The following SH3PXD2B variants were observed in gnomAD, a reference collection of about 807,000 sequenced individuals.
SH3PXD2B encodes the protein SH3 and PX domains 2B.
SH3PXD2B carries 37 observed loss-of-function variants against 73.1 expected under a neutral mutation model. The observed-to-expected ratio is 0.51, with a 90% CI of 0.39 to 0.67. SH3PXD2B has a LOEUF of 0.67. Ranked by LOEUF, SH3PXD2B falls within the 30% of genes least tolerant of loss-of-function variation. The pLI, the probability that SH3PXD2B is intolerant of heterozygous loss-of-function variation, is 0.00. For missense variants in SH3PXD2B, 1,053 were observed against 1,197.8 expected, an observed-to-expected ratio of 0.88 and a Z score of 1.78; for synonymous variants, 457 against 480.5, an observed-to-expected ratio of 0.95 and a Z score of 0.64.
At chr5:172,347,968 A>C (rs1474632845) in intron 10 of SH3PXD2B, among the ~76,000 whole-genome samples, 1 of 152,174 alleles carries the variant, frequency 6.6e-6, no homozygotes, top group Non-Finnish European at 1.5e-5. Flanking sequence ...CAGGAGGATG[A>C]GGACTTTGCA....
At chr5:172,359,660 C>T (rs1362792533) in intron 7 of SH3PXD2B, among the ~76,000 whole-genome samples, 1 of 152,054 alleles carries the variant, frequency 6.6e-6, no homozygotes, top group Non-Finnish European at 1.5e-5. Context: ...AGACATTCCC[C>T]AATGAGAAAG....
intron 1 of SH3PXD2B, among the ~76,000 whole-genome samples, chr5:172,439,696 A>ACGCGCGCG (rs1561584012): frequency 3.5e-4 from 32 of 91,978 alleles, no homozygotes; most frequent in African/African-American, 1.4e-3. Context: ...GCGCGCGCAC[A>ACGCGCGCG]CACACACACA....
chr5:172,405,204 C>T (rs1758524429), intron 3 of SH3PXD2B, among the ~76,000 whole-genome samples: 1 of 152,272 alleles, frequency 6.6e-6, no homozygotes, highest in Non-Finnish European at 1.5e-5. Flanking sequence ...AAACGCTGCA[C>T]AGCAGCTGGT....
At chr5:172,448,788 AG>A (rs1759731084) in intron 1 of SH3PXD2B, among the ~76,000 whole-genome samples, 1 of 152,232 alleles carries the variant, frequency 6.6e-6, no homozygotes, top group South Asian at 2.1e-4. Flanking sequence ...AAGGCCATGA[AG>A]AACTTGAACC....
At chr5:172,342,792 C>G (rs1030183719) in intron 12 of SH3PXD2B, among the ~76,000 whole-genome samples, 16 of 151,778 alleles carry the variant, frequency 1.1e-4, no homozygotes, top group Admixed American at 8.5e-4. Context: ...TGGAGAAGGG[C>G]TGTGTCCGGG....
At chr5:172,349,732 C>T (rs755570901) in intron 10 of SH3PXD2B, among the ~76,000 whole-genome samples, 1 of 152,032 alleles carries the variant, frequency 6.6e-6, no homozygotes, top group African/African-American at 2.4e-5. Context: ...TATGAGGAGT[C>T]GATTAGACTA....
intron 5 of SH3PXD2B, among the ~76,000 whole-genome samples, chr5:172,378,341 C>T (rs1757865547): frequency 6.6e-6 from 1 of 152,238 alleles, no homozygotes; most frequent in Admixed American, 6.5e-5. Flanking sequence ...CGCGGGGCTT[C>T]TTCACCTCAG....
Position 172,338,183 on chromosome 5 carries a change from G to C in SH3PXD2B, c.*186C>G. The C allele has an allele frequency of 6.7e-7, 1 of 1,483,302 alleles. No individual in the cohort carries two copies. The highest frequency in any genetic ancestry group is 2.5e-5 in the East Asian group (1 of 40,484). 91.9% of individuals were successfully genotyped at this position (1,483,302 alleles called of 1,614,324 possible). ...CCTCCAGTGATGCTGTGATAGGAGG[G>C]ATCAGGCCCAGGGGCGCCCGAGGTG... On this transcript the variant is annotated 3_prime_UTR_variant, in exon 13 of 13. Coordinates refer to ENST00000311601, the MANE Select transcript of SH3PXD2B (RefSeq NM_001017995.3). This position sits in a 1 kb window ranked among gnomAD's most constrained non-coding sequence, Gnocchi z 5.1.
At chr5:172,373,735 C>T (rs535042084) in intron 6 of SH3PXD2B, 55 bp downstream of exon 6, 162 of 1,563,046 alleles carry the variant, frequency 1.0e-4, no homozygotes, top group Non-Finnish European at 1.2e-4. Flanking sequence ...AGTTGGTGCT[C>T]GGCTGGAGTT....
At chr5:172,345,134 G>A (rs1216562150) in intron 12 of SH3PXD2B, among the ~76,000 whole-genome samples, 1 of 147,168 alleles carries the variant, frequency 6.8e-6, no homozygotes, top group Non-Finnish European at 1.5e-5. Flanking sequence ...GGGAAGGAAG[G>A]AATGAAGGCG....
intron 12 of SH3PXD2B, chr5:172,325,447 C>A: frequency 9.1e-7 from 1 of 1,096,622 alleles, no homozygotes. Flanking sequence ...CTAACGTGGC[C>A]TGGGACTTTG....
At chr5:172,373,749 C>A in intron 6 of SH3PXD2B, 41 bp downstream of exon 6, 1 of 1,597,740 alleles carries the variant, frequency 6.3e-7, no homozygotes, top group South Asian at 1.1e-5. Context: ...TGGAGTTTGC[C>A]GAAAACTGAA....
Position 172,338,492 on chromosome 5 carries a change from C to T in SH3PXD2B, c.2613G>A (p.Gln871=). 1 of 1,614,198 alleles carries T rather than the reference C, an allele frequency of 6.2e-7. No individual in the cohort carries two copies. Among genetic ancestry groups the T allele is most frequent in the Non-Finnish European group, 8.5e-7 (1 of 1,180,036 alleles). ...CCCGGACTTCAAACACTGTCCCTTCCTGGAAGCTGCTGGTGTCTTTGTCTC... is the reference window on the plus strand; with the variant it reads ...CCCGGACTTCAAACACTGTCCCTTCTTGGAAGCTGCTGGTGTCTTTGTCTC... ...FEGDKDTSSF[Q]EGTVFEVREK... The change falls in exon 13 of 13, where the codon CAG becomes CAA. Residue 871 remains glutamine (Q), a synonymous_variant. Coordinates refer to ENST00000311601, the MANE Select transcript of SH3PXD2B (RefSeq NM_001017995.3). This position sits in a 1 kb window ranked among gnomAD's most constrained non-coding sequence, Gnocchi z 5.1.
chr5:172,431,917 G>A (rs191671502), intron 1 of SH3PXD2B, among the ~76,000 whole-genome samples: 1 of 152,208 alleles, frequency 6.6e-6, no homozygotes, highest in East Asian at 1.9e-4. Flanking sequence ...TAGATCACGC[G>A]TGTAGTCCTA....
intron 3 of SH3PXD2B, among the ~76,000 whole-genome samples, chr5:172,397,378 C>G (rs1758325586): frequency 6.6e-6 from 1 of 152,208 alleles, no homozygotes; most frequent in South Asian, 2.1e-4. Context: ...GTCCTGTGAT[C>G]TTGCCCTGCC....
At chr5:172,417,465 A>G (rs929170083) in intron 2 of SH3PXD2B, among the ~76,000 whole-genome samples, 1 of 152,204 alleles carries the variant, frequency 6.6e-6, no homozygotes, top group African/African-American at 2.4e-5. Context: ...ACCTGAAGCC[A>G]ATTTCCTTAG....
rs1352886804 is a variant in SH3PXD2B, at chr5:172,334,155, A to C, written c.*4214T>G. On this transcript the variant is annotated 3_prime_UTR_variant, in exon 13 of 13. Coordinates refer to ENST00000311601, the MANE Select transcript of SH3PXD2B (RefSeq NM_001017995.3). ...ATAGAAACGGGAAGATGGAATGTTG[A>C]AACATGAGGAGGAGCTCGATAACTT... 9.0e-7 allele frequency: 1 copy of C among 1,117,304 alleles called. No homozygotes were observed. The highest frequency in any genetic ancestry group is 9.3e-5 in the East Asian group (1 of 10,768). 69.2% of individuals were successfully genotyped at this position (1,117,304 alleles called of 1,614,324 possible). A position where few individuals can be genotyped will look rare whatever the true frequency, so the allele number is the denominator to read the frequency against.
At chr5:172,390,409 G>A (rs896175863) in intron 4 of SH3PXD2B, among the ~76,000 whole-genome samples, 1 of 152,176 alleles carries the variant, frequency 6.6e-6, no homozygotes, top group African/African-American at 2.4e-5. Context: ...TTTAGAGCTG[G>A]AGTCTTGCTC....
chr5:172,344,304 C>T (rs571969927), intron 12 of SH3PXD2B, among the ~76,000 whole-genome samples: 1 of 152,228 alleles, frequency 6.6e-6, no homozygotes, highest in African/African-American at 2.4e-5. Context: ...AAAACAACAT[C>T]TAGCCAGGTG....
Sources: gnomAD v4.1 joint callset for allele counts (sites outside exome capture counted in the v4.1 genomes callset) on GRCh38, gnomAD v4.1.1 for gene constraint, Gnocchi (gnomAD v3.1) non-coding constraint, MANE v1.5 for transcripts, NCBI Gene and HGNC (gene_info 2026-07-23, HGNC 2026-07-21) for gene names.